Variants in COL24A1 observed in about 807,000 individuals in gnomAD.
COL24A1 encodes the protein collagen type XXIV alpha 1 chain.
A neutral mutation model predicts 253.9 loss-of-function variants in COL24A1; 224 were observed. That is an observed-to-expected ratio of 0.88 (90% CI 0.79 to 0.99). The LOEUF (loss-of-function observed/expected upper bound fraction) is 0.99. Among genes scored for constraint, COL24A1 ranks in the 50% least tolerant of loss-of-function variants. The probability of loss-of-function intolerance (pLI) is 0.00; values close to 1 mark genes in which losing one functional copy is unlikely to be tolerated. For synonymous variants in COL24A1, 685 were observed against 673.7 expected, an observed-to-expected ratio of 1.02 and a Z score of -0.26; for missense variants, 2,131 against 2,068.5, an observed-to-expected ratio of 1.03 and a Z score of -0.59.
intron 28 of COL24A1, among the ~76,000 whole-genome samples, chr1:85,905,963 A>G (rs1684778391): frequency 6.6e-6 from 1 of 152,080 alleles, no homozygotes. Context: ...ACCTAACTAA[A>G]TATTGAATGC....
intron 57 of COL24A1, among the ~76,000 whole-genome samples, chr1:85,740,546 C>G (rs948199974): frequency 6.6e-6 from 1 of 152,010 alleles, no homozygotes; most frequent in Non-Finnish European, 1.5e-5. Flanking sequence ...ACCTCCACCC[C>G]CTGCAGGCTC....
chr1:85,774,960 G>A (rs549151144), intron 53 of COL24A1, among the ~76,000 whole-genome samples: 41 of 152,212 alleles, frequency 2.7e-4, no homozygotes, highest in African/African-American at 9.1e-4. Flanking sequence ...TAATTGTGAT[G>A]TTAGGGTGTC....
chr1:85,970,755 T>C (rs1170098227), intron 21 of COL24A1, among the ~76,000 whole-genome samples: 1 of 152,196 alleles, frequency 6.6e-6, no homozygotes, highest in Admixed American at 6.5e-5. Flanking sequence ...TTCAAAAATA[T>C]TAAGTAGTCA....
intron 53 of COL24A1, among the ~76,000 whole-genome samples, chr1:85,763,186 G>A (rs1271940690): frequency 6.6e-6 from 1 of 152,068 alleles, no homozygotes; most frequent in African/African-American, 2.4e-5. Context: ...GGAGGTCAAG[G>A]CCAGCGGATT....
intron 52 of COL24A1, among the ~76,000 whole-genome samples, chr1:85,780,531 A>G (rs313730): frequency 1.1e-4 from 17 of 152,128 alleles, no homozygotes; most frequent in Non-Finnish European, 2.4e-4. Context: ...CTCTCCAGAC[A>G]CAGCTTGAAT....
At chr1:86,080,378 C>T (rs2101900522) in intron 7 of COL24A1, among the ~76,000 whole-genome samples, 1 of 152,118 alleles carries the variant, frequency 6.6e-6, no homozygotes, top group East Asian at 1.9e-4. Context: ...GCTAGCACAA[C>T]AGGGAAACTA....
chr1:86,115,312 C>A lies in COL24A1; in HGVS notation c.1545+13G>T. 1 of 1,612,748 alleles carries A rather than the reference C, an allele frequency of 6.2e-7. No homozygotes were observed. Among genetic ancestry groups the A allele is most frequent in the Non-Finnish European group, 8.5e-7 (1 of 1,178,986 alleles). On this transcript the variant is annotated intron_variant, in intron 4 of 59. Coordinates refer to ENST00000370571, the MANE Select transcript of COL24A1 (RefSeq NM_152890.7). ...TTCTCACTGCCAGCAGGAAATATAGCCCATCTACTTACCCGTGGACCTCTC... is the reference window on the plus strand; with the variant it reads ...TTCTCACTGCCAGCAGGAAATATAGACCATCTACTTACCCGTGGACCTCTC...
At chr1:86,144,160 T>C (rs1651542084) in intron 2 of COL24A1, among the ~76,000 whole-genome samples, 1 of 152,114 alleles carries the variant, frequency 6.6e-6, no homozygotes, top group South Asian at 2.1e-4. Context: ...AATAAAATTT[T>C]AGGTGTATAA....
At chr1:85,873,537 T>C (rs1161720593) in intron 35 of COL24A1, among the ~76,000 whole-genome samples, 1 of 152,118 alleles carries the variant, frequency 6.6e-6, no homozygotes, top group African/African-American at 2.4e-5. Flanking sequence ...TGTTCTTTGT[T>C]GGGACATGGA....
At chr1:85,854,142 G>C (rs1055530585) in intron 37 of COL24A1, among the ~76,000 whole-genome samples, 2 of 152,094 alleles carry the variant, frequency 1.3e-5, no homozygotes, top group African/African-American at 4.8e-5. Flanking sequence ...ATTTTTGCAT[G>C]TGGTAAAAGG....
intron 47 of COL24A1, among the ~76,000 whole-genome samples, chr1:85,810,569 G>A (rs748427115): frequency 6.6e-6 from 1 of 152,082 alleles, no homozygotes; most frequent in African/African-American, 2.4e-5. Context: ...GTAATCCCCA[G>A]TGCAGGAGGT....
chr1:85,781,224 C>T lies in COL24A1; in HGVS notation c.4334G>A (p.Arg1445Lys). 1 of 1,599,026 alleles carries T rather than the reference C, an allele frequency of 6.3e-7. No individual in the cohort carries two copies. The highest frequency in any genetic ancestry group is 8.5e-7 in the Non-Finnish European group (1 of 1,172,440). ...CTTGTATTATGATAAACTTACAGTT[C>T]TACCTGTTGGGCCTATTATACCTTC... ...GREGIIGPTG[R>K]TGPRGEKGFR... Residue 1445 changes from arginine to lysine, a missense_variant, in exon 52 of 60, where the codon AGA (arginine) becomes AAA (lysine). Physicochemically the swap from Arg to Lys is conservative, Grantham distance 26. Transcript: ENST00000370571.
intron 24 of COL24A1, among the ~76,000 whole-genome samples, chr1:85,922,622 G>T (rs1184967959): frequency 6.6e-6 from 1 of 152,152 alleles, no homozygotes; most frequent in Non-Finnish European, 1.5e-5. Flanking sequence ...CAAATGCTGA[G>T]AGATTTTGTC....
At chr1:85,885,397 A>ATATATATATATATTT (rs60994639) in intron 32 of COL24A1, among the ~76,000 whole-genome samples, 4 of 128,902 alleles carry the variant, frequency 3.1e-5, no homozygotes, top group African/African-American at 8.7e-5. Context: ...ATATATATAT[A>ATATATATATATATTT]TTTTTTTTTT....
At chr1:85,790,310 T>C (rs537283831) in intron 47 of COL24A1, among the ~76,000 whole-genome samples, 57 of 152,336 alleles carry the variant, frequency 3.7e-4, no homozygotes, top group African/African-American at 1.3e-3. Context: ...AATGTATCCA[T>C]TTCTTCTTGA....
intron 45 of COL24A1, among the ~76,000 whole-genome samples, chr1:85,822,981 C>T (rs1281829394): frequency 6.6e-6 from 1 of 152,124 alleles, no homozygotes; most frequent in African/African-American, 2.4e-5. Context: ...TCCATTCACT[C>T]ATACTCAATC....
At chr1:86,019,563 A>C (rs1005155949) in intron 18 of COL24A1, among the ~76,000 whole-genome samples, 1 of 150,754 alleles carries the variant, frequency 6.6e-6, no homozygotes, top group Non-Finnish European at 1.5e-5. Flanking sequence ...GTCTCTAAAA[A>C]TTTTTTTTTT....
At chr1:85,807,311 C>T (rs1408725886) in intron 47 of COL24A1, among the ~76,000 whole-genome samples, 2 of 152,132 alleles carry the variant, frequency 1.3e-5, no homozygotes, top group East Asian at 3.9e-4. Context: ...TAACCACAGC[C>T]CCTGGAAGGG....
intron 32 of COL24A1, among the ~76,000 whole-genome samples, chr1:85,883,033 TTTC>T (rs1682041592): frequency 1.3e-5 from 2 of 152,214 alleles, no homozygotes; most frequent in Admixed American, 1.3e-4. Context: ...CAATCTCTTA[TTTC>T]TTAAGTGGTA....
Sources: allele counts gnomAD v4.1 joint callset (sites outside exome capture counted in the v4.1 genomes callset), GRCh38; gene constraint gnomAD v4.1.1; transcripts MANE v1.5; gene names NCBI Gene and HGNC (gene_info 2026-07-23, HGNC 2026-07-21).